NHERF1: variants seen among roughly 807,000 people sequenced by gnomAD.
NHERF1 encodes Na(+)/H(+) exchange regulatory cofactor NHE-RF1.
the NHERF1 span, chr17:74,749,404 C>A: frequency 9.7e-6 from 10 of 1,029,580 alleles, no homozygotes; most frequent in African/African-American, 6.7e-5. This position sits in a 1 kb window ranked among gnomAD's most constrained non-coding sequence, Gnocchi z 5.6. Flanking sequence ...ACTCGAGCTG[C>A]GAGGGGGAGA....
the NHERF1 span, among the ~76,000 whole-genome samples, chr17:74,755,137 G>A: frequency 6.6e-6 from 1 of 152,204 alleles, no homozygotes; most frequent in Non-Finnish European, 1.5e-5. Flanking sequence ...GACTCTGCCA[G>A]GTGTTTCTGC....
chr17:74,765,173 T>C, the NHERF1 span, among the ~76,000 whole-genome samples: 1 of 152,178 alleles, frequency 6.6e-6, no homozygotes, highest in Non-Finnish European at 1.5e-5. Flanking sequence ...GGGGAGGGGA[T>C]ACCCAGGACA....
chr17:74,749,221 C>T, the NHERF1 span: 44 of 1,525,986 alleles, frequency 2.9e-5, no homozygotes, highest in South Asian at 8.4e-5. The surrounding 1 kb of genome is among the most constrained non-coding windows in gnomAD (Gnocchi z 5.6). Flanking sequence ...CGCCGGCCGC[C>T]GCCGAGGTGC....
chr17:74,765,803 CA>C, the NHERF1 span, among the ~76,000 whole-genome samples: 1 of 152,154 alleles, frequency 6.6e-6, no homozygotes, highest in Non-Finnish European at 1.5e-5. Context: ...CCGCCTGCCA[CA>C]GTCTCCCAAA....
At chr17:74,766,835 G>C in the NHERF1 span, 5 of 1,102,060 alleles carry the variant, frequency 4.5e-6, no homozygotes, top group Non-Finnish European at 7.0e-6. Flanking sequence ...GTTGACCCAG[G>C]GAACAAGATC....
the NHERF1 span, among the ~76,000 whole-genome samples, chr17:74,749,912 G>C: frequency 1.3e-5 from 2 of 152,220 alleles, no homozygotes; most frequent in Admixed American, 1.3e-4. This position sits in a 1 kb window ranked among gnomAD's most constrained non-coding sequence, Gnocchi z 5.6. Flanking sequence ...GGCGGTGTGG[G>C]GGTTGCCTGG....
chr17:74,757,789 G>A, the NHERF1 span, among the ~76,000 whole-genome samples: 4 of 152,140 alleles, frequency 2.6e-5, no homozygotes, highest in South Asian at 2.1e-4. Flanking sequence ...TGCCCCCGCC[G>A]TCCTGCCCCC....
At chr17:74,748,725 G>A in the NHERF1 span, 2 of 882,002 alleles carry the variant, frequency 2.3e-6, no homozygotes, top group South Asian at 1.7e-5. The surrounding 1 kb of genome is among the most constrained non-coding windows in gnomAD (Gnocchi z 4.3). Context: ...TGCTTGGCCC[G>A]TCCGGCGGCT....
the NHERF1 span, chr17:74,768,499 A>T: frequency 6.2e-7 from 1 of 1,613,006 alleles, no homozygotes. Flanking sequence ...CCAAAACAGG[A>T]CTCCACAGCG....
the NHERF1 span, among the ~76,000 whole-genome samples, chr17:74,753,754 G>A: frequency 6.6e-6 from 1 of 151,448 alleles, no homozygotes; most frequent in Non-Finnish European, 1.5e-5. Context: ...GGGGTGAATG[G>A]GGGCTTCCTT....
chr17:74,753,247 G>T, the NHERF1 span, among the ~76,000 whole-genome samples: 1 of 152,200 alleles, frequency 6.6e-6, no homozygotes, highest in African/African-American at 2.4e-5. Flanking sequence ...TGACAGGTTT[G>T]TAAATGAAAG....
the NHERF1 span, among the ~76,000 whole-genome samples, chr17:74,762,329 A>G: frequency 1.3e-5 from 2 of 152,052 alleles, no homozygotes; most frequent in Non-Finnish European, 2.9e-5. The surrounding 1 kb of genome is among the most constrained non-coding windows in gnomAD (Gnocchi z 4.2). Flanking sequence ...GGAGGGAGGG[A>G]AGGGTGGTGG....
chr17:74,749,121 A>G, the NHERF1 span: 1 of 1,566,716 alleles, frequency 6.4e-7, no homozygotes, highest in Non-Finnish European at 8.6e-7. The surrounding 1 kb of genome is among the most constrained non-coding windows in gnomAD (Gnocchi z 5.6). Context: ...CTGGTGGTCG[A>G]CCCCGAGACG....
chr17:74,761,879 C>A, the NHERF1 span: 1 of 829,346 alleles, frequency 1.2e-6, no homozygotes, highest in Non-Finnish European at 2.0e-6. This position sits in a 1 kb window ranked among gnomAD's most constrained non-coding sequence, Gnocchi z 4.3. Context: ...TCTCAAATTG[C>A]TGTGTAGGGA....
the NHERF1 span, chr17:74,761,910 C>T: frequency 7.6e-7 from 1 of 1,322,336 alleles, no homozygotes. The surrounding 1 kb of genome is among the most constrained non-coding windows in gnomAD (Gnocchi z 4.3). Context: ...TTTGCATCCT[C>T]CCAAACCTTC....
chr17:74,763,654 T>C, the NHERF1 span: 6 of 877,632 alleles, frequency 6.8e-6, no homozygotes, highest in East Asian at 8.0e-5. Flanking sequence ...TCCTCCTCCT[T>C]CATGGGAGGC....
At chr17:74,754,399 C>CTTTTTTTTT in the NHERF1 span, among the ~76,000 whole-genome samples, 3 of 59,680 alleles carry the variant, frequency 5.0e-5, no homozygotes, top group Non-Finnish European at 1.2e-4. Context: ...TTCTTTCTTT[C>CTTTTTTTTT]TTTTTTTTTT....
the NHERF1 span, chr17:74,768,852 CAGAA>C: frequency 1.7e-6 from 1 of 598,058 alleles, no homozygotes; most frequent in South Asian, 2.0e-5. Flanking sequence ...CTCCCGCAGT[CAGAA>C]AGGAGACTCT....
chr17:74,767,845 C>T, the NHERF1 span, among the ~76,000 whole-genome samples: 2 of 152,292 alleles, frequency 1.3e-5, no homozygotes, highest in East Asian at 1.9e-4. Context: ...AAAGGCAAGC[C>T]AGTACCTAAA....
Sources: allele counts gnomAD v4.1 joint callset (sites outside exome capture counted in the v4.1 genomes callset), GRCh38; gene constraint gnomAD v4.1.1; non-coding constraint Gnocchi (gnomAD v3.1); transcripts MANE v1.5; gene names NCBI Gene and HGNC (gene_info 2026-07-23, HGNC 2026-07-21).